Variants in SOX13 observed in about 807,000 individuals in gnomAD.
The protein encoded by SOX13 is SRY-box transcription factor 13.
SOX13 carries 28 observed loss-of-function variants against 71.8 expected under a neutral mutation model. That is an observed-to-expected ratio of 0.39 (90% CI 0.29 to 0.53). SOX13 has a LOEUF of 0.53. SOX13 is among the 20% of genes least tolerant of loss of function. SOX13 has a pLI of 0.70. For synonymous variants in SOX13, 309 were observed against 317.8 expected, an observed-to-expected ratio of 0.97 and a Z score of 0.29; for missense variants, 627 against 810.3, an observed-to-expected ratio of 0.77 and a Z score of 2.75.
chr1:204,105,450 GGCTGGAGTGCA>G (rs1558216556), intron 1 of SOX13, among the ~76,000 whole-genome samples: 2 of 137,128 alleles, frequency 1.5e-5, no homozygotes, highest in Non-Finnish European at 3.0e-5. Context: ...CAGTCACCCA[GGCTGGAGTGCA>G]GCAGTGCAAT....
rs538275488 is a variant in SOX13, at chr1:204,086,419, T to C, written c.-2+12708T>C. Among the ~76,000 whole-genome samples, 7 of 152,300 alleles carry C rather than the reference T, an allele frequency of 4.6e-5. No homozygotes were observed. The East Asian group carries it at 7.7e-4, about 17-fold the overall frequency. ...CCCAGGTTCAAGAGATTCTCCTGCC[T>C]CAGCCTCCCGAGTAGCTGGGACTAC... On this transcript the variant is annotated intron_variant, in intron 1 of 13. Coordinates refer to ENST00000367204, the MANE Select transcript of SOX13 (RefSeq NM_005686.3).
At chr1:204,089,049 TGA>T (rs1191157573) in intron 1 of SOX13, among the ~76,000 whole-genome samples, 2 of 152,048 alleles carry the variant, frequency 1.3e-5, no homozygotes, top group African/African-American at 2.4e-5. Flanking sequence ...GTGTTGAGAA[TGA>T]GAGGAGCAGA....
intron 1 of SOX13, among the ~76,000 whole-genome samples, chr1:204,076,292 A>T (rs547621587): frequency 6.6e-6 from 1 of 152,258 alleles, no homozygotes; most frequent in East Asian, 1.9e-4. Context: ...TCTCTGGGGC[A>T]GGGTGAATTT....
At chr1:204,102,503 C>T (rs983653400) in intron 1 of SOX13, among the ~76,000 whole-genome samples, 1 of 152,070 alleles carries the variant, frequency 6.6e-6, no homozygotes, top group East Asian at 1.9e-4. Context: ...AGATTTGTAG[C>T]CTTTCCGCCT....
At position 204,123,223 on chromosome 1, in the gene SOX13, G is replaced by T. The variant is rs374854789; in HGVS notation, c.1231+15G>T. 1.2e-6 allele frequency: 2 copies of T among 1,600,262 alleles called. No homozygotes were observed. The highest frequency in any genetic ancestry group is 8.6e-7 in the Non-Finnish European group (1 of 1,167,646). On this transcript the variant is annotated intron_variant, in intron 11 of 13. Transcript: ENST00000367204. This position sits in a 1 kb window ranked among gnomAD's most constrained non-coding sequence, Gnocchi z 5.0. ...CGACATGGATGGTGAGGGCTCAGGC[G>T]CAGGGCTGATGCGCAGGAGGGCCCA...
chr1:204,117,289 G>A (rs534676393), intron 6 of SOX13, 99 bp downstream of exon 6: 498 of 1,059,568 alleles, frequency 4.7e-4, no homozygotes, highest in Non-Finnish European at 6.3e-4. Context: ...CCAAGTTAAA[G>A]AGCCAGAGCA....
intron 1 of SOX13, among the ~76,000 whole-genome samples, chr1:204,084,865 T>C (rs1482804098): frequency 6.6e-6 from 1 of 152,120 alleles, no homozygotes; most frequent in Non-Finnish European, 1.5e-5. Context: ...AGGTAGGAAA[T>C]CTGCCTCTGA....
chr1:204,109,213 C>T, intron 1 of SOX13, among the ~76,000 whole-genome samples: 1 of 152,282 alleles, frequency 6.6e-6, no homozygotes, highest in Middle Eastern at 3.4e-3. Flanking sequence ...TCTGCAGTGC[C>T]CTGTCTTGGG....
intron 1 of SOX13, among the ~76,000 whole-genome samples, chr1:204,094,471 C>A (rs1002403393): frequency 1.3e-5 from 2 of 152,172 alleles, no homozygotes. Flanking sequence ...TTCAGTGACC[C>A]CATTGTTGAC....
At chr1:204,107,630 C>T (rs1191314554) in intron 1 of SOX13, among the ~76,000 whole-genome samples, 3 of 152,114 alleles carry the variant, frequency 2.0e-5, no homozygotes, top group African/African-American at 7.2e-5. Flanking sequence ...AGCAGCTGCT[C>T]TTCTCAAGCA....
At chr1:204,085,053 T>C (rs899279324) in intron 1 of SOX13, among the ~76,000 whole-genome samples, 1 of 152,072 alleles carries the variant, frequency 6.6e-6, no homozygotes, top group African/African-American at 2.4e-5. Context: ...AGATGAGACT[T>C]AAGGGATTCC....
chr1:204,117,543 G>T, intron 6 of SOX13, 50 bp from the exon 7 acceptor site: 1 of 1,195,482 alleles, frequency 8.4e-7, no homozygotes, highest in Non-Finnish European at 1.2e-6. Context: ...ACCATAGCTG[G>T]GTAGCTCTTT....
At chr1:204,075,356 C>T (rs1204979169) in intron 1 of SOX13, among the ~76,000 whole-genome samples, 1 of 152,244 alleles carries the variant, frequency 6.6e-6, no homozygotes, top group African/African-American at 2.4e-5. Flanking sequence ...TCCCTGACTC[C>T]GTAATCTGCG....
chr1:204,125,461 G>A (rs1405229745), intron 13 of SOX13, among the ~76,000 whole-genome samples: 1 of 152,160 alleles, frequency 6.6e-6, no homozygotes, highest in Non-Finnish European at 1.5e-5. Context: ...GGAGGCTGAG[G>A]CAGGCTCAGG....
Position 204,113,081 on chromosome 1 carries a change from CAGGATAG to C in SOX13, c.167_173del (p.Gln56LeufsTer51). ...GCCTGGAGACCCAGCCCGGGCCTCCCAGGATAGTGCTGACCCCCAAGCTCCAGCCCAG... is the reference window on the plus strand; with the variant it reads ...GCCTGGAGACCCAGCCCGGGCCTCCCTGCTGACCCCCAAGCTCCAGCCCAG... On this transcript the variant is annotated frameshift_variant, in exon 2 of 14. Coordinates refer to ENST00000367204, the MANE Select transcript of SOX13 (RefSeq NM_005686.3). LOFTEE classifies it high-confidence loss of function. 6.3e-7 allele frequency: 1 copy of C among 1,596,560 alleles called. No individual in the cohort carries two copies. The highest frequency in any genetic ancestry group is 1.1e-5 in the South Asian group (1 of 88,444).
chr1:204,101,926 A>G (rs1656368289), intron 1 of SOX13, among the ~76,000 whole-genome samples: 1 of 152,084 alleles, frequency 6.6e-6, no homozygotes, highest in Non-Finnish European at 1.5e-5. Context: ...AAACCCCACT[A>G]GTGAGTATAT....
chr1:204,126,331 G>T lies in SOX13; in HGVS notation c.*197G>T. ...TCCTGAGGAGCTGTTGGCCTGGGTGGGCAGGAACTGCAGTATGGCCATGGG... is the reference window on the plus strand; with the variant it reads ...TCCTGAGGAGCTGTTGGCCTGGGTGTGCAGGAACTGCAGTATGGCCATGGG... On this transcript the variant is annotated 3_prime_UTR_variant, in exon 14 of 14. Transcript: ENST00000367204. 1.6e-6 allele frequency: 1 copy of T among 637,392 alleles called. No individual in the cohort carries two copies. Among genetic ancestry groups the T allele is most frequent in the Non-Finnish European group, 2.7e-6 (1 of 368,474 alleles). The allele number at this position is 637,392 out of a possible 1,614,324, so 39.5% of individuals were successfully genotyped here. A position where few individuals can be genotyped will look rare whatever the true frequency, so the allele number is the denominator to read the frequency against.
At chr1:204,122,670 A>C (rs1338499376) in intron 9 of SOX13, 184 bp from the exon 10 acceptor site, 4 of 607,884 alleles carry the variant, frequency 6.6e-6, no homozygotes, top group Non-Finnish European at 1.2e-5. Flanking sequence ...ATAACTAGCC[A>C]GTGTAAGTGG....
At chr1:204,122,805 C>T in intron 9 of SOX13, 49 bp from the exon 10 acceptor site, 3 of 1,191,832 alleles carry the variant, frequency 2.5e-6, no homozygotes, top group Non-Finnish European at 3.6e-6. Flanking sequence ...TGGGCTGATG[C>T]CCTCAGCTTC....
Sources: allele counts gnomAD v4.1 joint callset (sites outside exome capture counted in the v4.1 genomes callset), GRCh38; gene constraint gnomAD v4.1.1; non-coding constraint Gnocchi (gnomAD v3.1); transcripts MANE v1.5; gene names NCBI Gene and HGNC (gene_info 2026-07-23, HGNC 2026-07-21).